Variants in WDPCP observed in about 807,000 individuals in gnomAD.
The protein encoded by WDPCP is WD repeat-containing and planar cell polarity effector protein fritz homolog.
WDPCP carries 71 observed loss-of-function variants against 93.1 expected under a neutral mutation model. The observed-to-expected ratio is 0.76, with a 90% confidence interval of 0.63 to 0.93. WDPCP has a LOEUF of 0.93. Ranked by LOEUF, WDPCP falls within the 40% of genes least tolerant of loss-of-function variation. WDPCP has a pLI of 0.00. For missense variants in WDPCP, 844 were observed against 887.4 expected, an observed-to-expected ratio of 0.95 and a Z score of 0.62; for synonymous variants, 315 against 315.0, an observed-to-expected ratio of 1.00 and a Z score of 0.00.
At chr2:63,554,234 T>C (rs1222221351) in intron 1 of WDPCP, among the ~76,000 whole-genome samples, 1 of 151,996 alleles carries the variant, frequency 6.6e-6, no homozygotes, top group African/African-American at 2.4e-5. Context: ...ATTTTTCTTA[T>C]GTTTCCTTGG....
intron 9 of WDPCP, among the ~76,000 whole-genome samples, chr2:63,406,616 A>T (rs1558587991): frequency 6.6e-6 from 1 of 152,232 alleles, no homozygotes; most frequent in Non-Finnish European, 1.5e-5. Flanking sequence ...GCCTTCAGAA[A>T]TGAAGACCCA....
chr2:63,369,308 G>A (rs1237603051), intron 12 of WDPCP: 2 of 427,118 alleles, frequency 4.7e-6, no homozygotes, highest in African/African-American at 2.0e-5. Context: ...ACTAAAGAGA[G>A]CCAAGCTTGC....
At chr2:63,135,394 C>T (rs551563205) in intron 17 of WDPCP, among the ~76,000 whole-genome samples, 43 of 151,204 alleles carry the variant, frequency 2.8e-4, no homozygotes, top group Admixed American at 1.9e-3. Context: ...TGCAGTGGCG[C>T]GATCTTGGCT....
chr2:63,371,736 C>T (rs1691409527), intron 12 of WDPCP, among the ~76,000 whole-genome samples: 1 of 152,020 alleles, frequency 6.6e-6, no homozygotes, highest in Admixed American at 6.6e-5. Flanking sequence ...AGGGCCAGGG[C>T]CAAGGCTAAG....
intron 13 of WDPCP, among the ~76,000 whole-genome samples, chr2:63,264,319 G>A (rs1156900300): frequency 6.6e-6 from 1 of 152,210 alleles, no homozygotes; most frequent in African/African-American, 2.4e-5. Context: ...ATTGGAGATA[G>A]CTATACTTCC....
At chr2:63,827,601 T>C (rs530619760) in intron 1 of WDPCP, 1 of 152,126 alleles carries the variant, frequency 6.6e-6, no homozygotes, top group African/African-American at 2.4e-5. Flanking sequence ...CCTAAACGAA[T>C]AAAAAAAATT....
chr2:63,133,624 T>C lies in WDPCP; in HGVS notation c.2191-11568A>G, dbSNP rs150878597. 1.8e-3 allele frequency among the ~76,000 whole-genome samples: 277 copies of C among 152,304 alleles called. 2 individuals carry two copies. The highest frequency in any genetic ancestry group is 6.3e-3 in the African/African-American group (260 of 41,568). On this transcript the variant is annotated intron_variant, in intron 17 of 17. Transcript: ENST00000272321. Reference sequence around the variant, plus strand: ...TGGTTTTATAAGCGTCTGGCATTTCTCCTGCTGGCATTCACTCTGTCCTGT... The same window carrying C: ...TGGTTTTATAAGCGTCTGGCATTTCCCCTGCTGGCATTCACTCTGTCCTGT...
At chr2:63,157,420 A>C (rs979431586) in intron 15 of WDPCP, among the ~76,000 whole-genome samples, 1 of 151,672 alleles carries the variant, frequency 6.6e-6, no homozygotes, top group Non-Finnish European at 1.5e-5. Flanking sequence ...GGATGTGTTG[A>C]ATTATCATCT....
chr2:63,372,277 C>A (rs192345283), intron 12 of WDPCP, among the ~76,000 whole-genome samples: 183 of 152,186 alleles, frequency 1.2e-3, no homozygotes, highest in Admixed American at 3.2e-3. Context: ...ATAAATAATC[C>A]ACCCCCATGA....
chr2:63,181,150 A>G (rs1674211453), intron 14 of WDPCP, among the ~76,000 whole-genome samples: 1 of 151,806 alleles, frequency 6.6e-6, no homozygotes, highest in Non-Finnish European at 1.5e-5. Context: ...CATTCTACAC[A>G]TTGTCTGTTC....
chr2:63,501,680 G>A (rs1362003651), intron 1 of WDPCP, among the ~76,000 whole-genome samples: 6 of 134,910 alleles, frequency 4.4e-5, no homozygotes, highest in Admixed American at 1.6e-4. Context: ...GCAGCGGCGC[G>A]ATCTCAGCTC....
intron 2 of WDPCP, among the ~76,000 whole-genome samples, chr2:63,782,782 G>A (rs1430611507): frequency 6.6e-6 from 1 of 150,768 alleles, no homozygotes; most frequent in Non-Finnish European, 1.5e-5. Context: ...GTGTGTTTGT[G>A]TGTTTGTGTG....
intron 6 of WDPCP, among the ~76,000 whole-genome samples, chr2:63,458,635 A>G (rs1698800022): frequency 6.6e-6 from 1 of 152,240 alleles, no homozygotes; most frequent in Non-Finnish European, 1.5e-5. Context: ...ATGGATTAAA[A>G]GAATTAACAT....
At chr2:63,436,714 G>A (rs968159701) in intron 8 of WDPCP, among the ~76,000 whole-genome samples, 9 of 152,092 alleles carry the variant, frequency 5.9e-5, no homozygotes, top group African/African-American at 1.9e-4. Flanking sequence ...TTGAAAAGAG[G>A]CCTTGAACTG....
intron 1 of WDPCP, among the ~76,000 whole-genome samples, chr2:63,538,685 C>A (rs1704491725): frequency 1.3e-5 from 2 of 152,136 alleles, no homozygotes; most frequent in Non-Finnish European, 2.9e-5. Context: ...TAAAAACATT[C>A]ATGCATCATT....
chr2:63,378,586 C>A (rs1011862944), intron 11 of WDPCP, 77 bp from the exon 12 acceptor site: 2 of 1,599,036 alleles, frequency 1.3e-6, no homozygotes, highest in South Asian at 2.2e-5. Context: ...TGTTTGCAGT[C>A]AGTCAGGTTT....
At chr2:63,766,096 C>T (rs7597935) in intron 2 of WDPCP, among the ~76,000 whole-genome samples, 98,551 of 152,074 alleles carry the variant, frequency 0.65, 32,880 homozygotes, top group East Asian at 0.81. Flanking sequence ...AGAAATATCA[C>T]TGTAATGGAT....
intron 1 of WDPCP, among the ~76,000 whole-genome samples, chr2:63,517,233 A>G (rs1481190267): frequency 6.6e-6 from 1 of 151,892 alleles, no homozygotes; most frequent in Non-Finnish European, 1.5e-5. Context: ...TAACACTTTT[A>G]TATGTTCATA....
At chr2:63,535,498 G>A (rs1391662689) in intron 1 of WDPCP, among the ~76,000 whole-genome samples, 4 of 152,264 alleles carry the variant, frequency 2.6e-5, no homozygotes, top group South Asian at 4.1e-4. Flanking sequence ...GCATGGTACT[G>A]GTACCAAAAC....
Sources: allele counts gnomAD v4.1 joint callset (sites outside exome capture counted in the v4.1 genomes callset), GRCh38; gene constraint gnomAD v4.1.1; transcripts MANE v1.5; gene names NCBI Gene and HGNC (gene_info 2026-07-23, HGNC 2026-07-21).